GSKIP: variants seen among roughly 807,000 people sequenced by gnomAD.
The protein encoded by GSKIP is GSK3B interacting protein, also known as GSK3B-interacting protein.
In GSKIP, 5 loss-of-function variants were observed where a neutral mutation model predicts 11.9. The observed-to-expected ratio is 0.42, with a 90% CI of 0.22 to 0.89. The LOEUF (loss-of-function observed/expected upper bound fraction) is 0.89. Ranked by LOEUF, GSKIP falls within the 40% of genes least tolerant of loss-of-function variation. GSKIP has a pLI of 0.29. For synonymous variants in GSKIP, 70 were observed against 62.9 expected, an observed-to-expected ratio of 1.11 and a Z score of -0.54; for missense variants, 150 against 166.6, an observed-to-expected ratio of 0.90 and a Z score of 0.55.
In GSKIP at chr14:96,385,654, G is replaced by A. The variant is rs1595354021; in HGVS notation, c.390G>A (p.Leu130=). 6.2e-7 allele frequency: 1 copy of A among 1,612,948 alleles called. No homozygotes were observed. The highest frequency in any genetic ancestry group is 8.5e-7 in the Non-Finnish European group (1 of 1,179,538). The change falls in exon 4 of 4, where the codon CTG becomes CTA. Residue 130 remains leucine, a synonymous_variant. Coordinates refer to ENST00000555181, the MANE Select transcript of GSKIP (RefSeq NM_016472.5). ...TTGGAAACGCACTGCTTCAAAGACTGGAAGCTTTGAAAAGAGATGGACAGT... is the reference window on the plus strand; with the variant it reads ...TTGGAAACGCACTGCTTCAAAGACTAGAAGCTTTGAAAAGAGATGGACAGT... The part of the protein sequence containing the change: ...EAFGNALLQR[L]EALKRDGQS
intron 1 of GSKIP, among the ~76,000 whole-genome samples, chr14:96,375,046 T>C (rs766506496): frequency 3.9e-5 from 6 of 152,202 alleles, no homozygotes; most frequent in Non-Finnish European, 5.9e-5. Flanking sequence ...TAGCAAATGC[T>C]ATATAGTAGT....
At chr14:96,381,895 A>C (rs1230653169) in intron 2 of GSKIP, among the ~76,000 whole-genome samples, 1 of 152,212 alleles carries the variant, frequency 6.6e-6, no homozygotes, top group Non-Finnish European at 1.5e-5. Context: ...AGTCCTAAAT[A>C]TCTGTCCTAG....
At chr14:96,383,295 C>T (rs1253363680) in intron 3 of GSKIP, among the ~76,000 whole-genome samples, 1 of 151,866 alleles carries the variant, frequency 6.6e-6, no homozygotes, top group Non-Finnish European at 1.5e-5. Flanking sequence ...TGCCTGTAAT[C>T]CAGCTACCTG....
At chr14:96,366,366 G>A (rs1888883554) in intron 1 of GSKIP, among the ~76,000 whole-genome samples, 1 of 152,196 alleles carries the variant, frequency 6.6e-6, no homozygotes, top group Non-Finnish European at 1.5e-5. Flanking sequence ...TAAAACGACG[G>A]TTTTGCAATA....
intron 3 of GSKIP, among the ~76,000 whole-genome samples, chr14:96,385,094 A>G (rs1158283964): frequency 6.6e-6 from 1 of 152,214 alleles, no homozygotes; most frequent in Non-Finnish European, 1.5e-5. Flanking sequence ...ATGATATATT[A>G]CCTATTATAG....
intron 1 of GSKIP, among the ~76,000 whole-genome samples, chr14:96,378,015 A>G (rs1889247716): frequency 6.6e-6 from 1 of 152,244 alleles, no homozygotes; most frequent in Non-Finnish European, 1.5e-5. Flanking sequence ...TAAGAGAAGC[A>G]TGTAAACTGC....
At chr14:96,374,706 C>G (rs2139935212) in intron 1 of GSKIP, among the ~76,000 whole-genome samples, 1 of 152,158 alleles carries the variant, frequency 6.6e-6, no homozygotes, top group East Asian at 1.9e-4. Flanking sequence ...AACTGCCAAC[C>G]TAGGATTCTC....
At chr14:96,380,103 TATA>T (rs1293787907) in intron 2 of GSKIP, 1 of 152,236 alleles carries the variant, frequency 6.6e-6, no homozygotes, top group East Asian at 1.9e-4. Flanking sequence ...TTTTTTCCTA[TATA>T]ATAAGTCAAT....
At chr14:96,381,911 T>C (rs7147936) in intron 2 of GSKIP, among the ~76,000 whole-genome samples, 4,163 of 152,260 alleles carry the variant, frequency 0.027, 202 homozygotes, top group African/African-American at 0.095. Flanking sequence ...CCTAGAGAAA[T>C]AATTATACAT....
Position 96,385,659 on chromosome 14 carries a change from C to CT in GSKIP, c.398dup (p.Leu133PhefsTer24). 1 of 1,612,754 alleles carries CT rather than the reference C, an allele frequency of 6.2e-7. No homozygotes were observed. Among genetic ancestry groups the CT allele is most frequent in the Non-Finnish European group, 8.5e-7 (1 of 1,179,528 alleles). On this transcript the variant is annotated frameshift_variant, in exon 4 of 4. Coordinates refer to ENST00000555181, the MANE Select transcript of GSKIP (RefSeq NM_016472.5). LOFTEE classifies it high-confidence loss of function. Reference sequence around the variant, plus strand: ...AACGCACTGCTTCAAAGACTGGAAGCTTTGAAAAGAGATGGACAGTCATGA... The same window carrying CT: ...AACGCACTGCTTCAAAGACTGGAAGCTTTTGAAAAGAGATGGACAGTCATGA...
chr14:96,383,020 C>T, intron 3 of GSKIP, among the ~76,000 whole-genome samples: 1 of 152,064 alleles, frequency 6.6e-6, no homozygotes, highest in East Asian at 1.9e-4. Flanking sequence ...ATTATGAGAG[C>T]TTTTCTAGGC....
rs1322716275 is a variant in GSKIP, at chr14:96,379,734, T to C, written c.-56T>C. 1 of 152,214 alleles carries C rather than the reference T, an allele frequency of 6.6e-6. No individual in the cohort carries two copies. Among genetic ancestry groups the C allele is most frequent in the Non-Finnish European group, 1.5e-5 (1 of 68,042 alleles). 9.4% of individuals were successfully genotyped at this position (152,214 alleles called of 1,614,324 possible). A position where few individuals can be genotyped will look rare whatever the true frequency, so the allele number is the denominator to read the frequency against. ...TGTTTGGTGACCTACTTCACTGACC[T>C]GTGAGGATTCCTTCCCTTCAGGTAC... On this transcript the variant is annotated 5_prime_UTR_variant, in exon 2 of 4. Coordinates refer to ENST00000555181, the MANE Select transcript of GSKIP (RefSeq NM_016472.5).
At chr14:96,368,681 T>G (rs1242005314) in intron 1 of GSKIP, among the ~76,000 whole-genome samples, 1 of 152,074 alleles carries the variant, frequency 6.6e-6, no homozygotes, top group Non-Finnish European at 1.5e-5. Flanking sequence ...CATGAATGGC[T>G]TTCTCTCTGT....
At chr14:96,376,483 T>C (rs1028937795) in intron 1 of GSKIP, among the ~76,000 whole-genome samples, 1 of 152,192 alleles carries the variant, frequency 6.6e-6, no homozygotes, top group African/African-American at 2.4e-5. Flanking sequence ...ACGTCATAGA[T>C]TATAGAATGT....
chr14:96,367,447 C>T (rs1177070992), intron 1 of GSKIP, among the ~76,000 whole-genome samples: 1 of 152,126 alleles, frequency 6.6e-6, no homozygotes, highest in Non-Finnish European at 1.5e-5. Context: ...ATTAAGATAT[C>T]GTATCCTGCC....
chr14:96,374,600 C>G (rs1488032014), intron 1 of GSKIP, among the ~76,000 whole-genome samples: 1 of 152,140 alleles, frequency 6.6e-6, no homozygotes, highest in Non-Finnish European at 1.5e-5. Flanking sequence ...GAACTGAGCT[C>G]AAGCAGTTCT....
chr14:96,371,281 A>G (rs939670497), intron 1 of GSKIP, among the ~76,000 whole-genome samples: 2 of 152,152 alleles, frequency 1.3e-5, no homozygotes, highest in African/African-American at 4.8e-5. Context: ...TAAGTGTCTG[A>G]ATAATAACCT....
At position 96,385,611 on chromosome 14, in the gene GSKIP, C is replaced by T. The variant is rs1405000367; in HGVS notation, c.347C>T (p.Pro116Leu). 6.2e-7 allele frequency: 1 copy of T among 1,613,450 alleles called. No homozygotes were observed. The highest frequency in any genetic ancestry group is 2.2e-5 in the East Asian group (1 of 44,864). ...TACTCCTTGTTGGATACACTCAGCC[C>T]CGCCTACCGAGAAGCATTTGGAAAC... ...TVYSLLDTLS[P>L]AYREAFGNAL... Residue 116 changes from proline to leucine, a missense_variant, in exon 4 of 4, where the codon CCC becomes CTC. Physicochemically the swap from Pro to Leu is moderately conservative, Grantham distance 98 (BLOSUM62 -3). Coordinates refer to ENST00000555181, the MANE Select transcript of GSKIP (RefSeq NM_016472.5).
At position 96,382,584 on chromosome 14, in the gene GSKIP, G is replaced by A. The variant is rs878875169; in HGVS notation, c.258+79G>A. On this transcript the variant is annotated intron_variant, in intron 3 of 3. Coordinates refer to ENST00000555181, the MANE Select transcript of GSKIP (RefSeq NM_016472.5). Reference sequence around the variant, plus strand: ...TCAAAAAGAGGGGTAGTGGGGAGGGGAAGAGTGTTAAAAGAGAACTGGATA... The same window carrying A: ...TCAAAAAGAGGGGTAGTGGGGAGGGAAAGAGTGTTAAAAGAGAACTGGATA... 10 of 1,068,532 alleles carry A rather than the reference G, an allele frequency of 9.4e-6. No homozygotes were observed. In the African/African-American group the frequency reaches 1.5e-4, roughly 16 times the overall value. The allele number at this position is 1,068,532 out of a possible 1,614,324, so 66.2% of individuals were successfully genotyped here. A position where few individuals can be genotyped will look rare whatever the true frequency, so the allele number is the denominator to read the frequency against.
Sources: allele counts gnomAD v4.1 joint callset (sites outside exome capture counted in the v4.1 genomes callset), GRCh38; gene constraint gnomAD v4.1.1; transcripts MANE v1.5; gene names NCBI Gene and HGNC (gene_info 2026-07-23, HGNC 2026-07-21).